The following MARCO variants were observed in gnomAD, a reference collection of about 807,000 sequenced individuals.
MARCO encodes the protein macrophage receptor MARCO.
MARCO carries 72 observed loss-of-function variants against 70.0 expected under a neutral mutation model. That is an observed-to-expected ratio of 1.03 (90% CI 0.85 to 1.25). MARCO has a LOEUF of 1.25. Ranked by LOEUF, MARCO falls within the 50% of genes most tolerant of loss-of-function variation. The pLI is 0.00. For synonymous variants in MARCO, 273 were observed against 243.1 expected (o/e 1.12, Z -1.14); for missense variants, 696 against 659.3 (o/e 1.06, Z -0.61).
intron 1 of MARCO, among the ~76,000 whole-genome samples, chr2:118,943,845 T>C (rs990348631): frequency 2.0e-5 from 3 of 152,018 alleles, no homozygotes; most frequent in Non-Finnish European, 4.4e-5. Flanking sequence ...CTGAGGTCAG[T>C]GGGGAAGCAG....
intron 1 of MARCO, among the ~76,000 whole-genome samples, chr2:118,959,359 A>G (rs910826734): frequency 6.6e-6 from 1 of 152,116 alleles, no homozygotes; most frequent in African/African-American, 2.4e-5. Flanking sequence ...AGATGTACAA[A>G]TGGCCAAGTG....
intron 1 of MARCO, among the ~76,000 whole-genome samples, chr2:118,960,848 A>T (rs546939887): frequency 1.3e-5 from 2 of 152,140 alleles, no homozygotes; most frequent in African/African-American, 4.8e-5. Context: ...CCTAGATATT[A>T]AGCTCAGAAT....
intron 12 of MARCO, among the ~76,000 whole-genome samples, chr2:118,986,600 A>AGAAAGAAAGAAG (rs1479268852): frequency 4.2e-4 from 6 of 14,420 alleles, no homozygotes; most frequent in Admixed American, 8.4e-4. Flanking sequence ...AAAGAAAGAA[A>AGAAAGAAAGAAG]GAAAGAAAGA....
chr2:118,993,442 G>T (rs1680662138), intron 16 of MARCO, 142 bp downstream of exon 16: 5 of 764,248 alleles, frequency 6.5e-6, no homozygotes, highest in Non-Finnish European at 8.5e-6. Context: ...GCTCTGCAGT[G>T]CAGGGCTCCA....
In MARCO at chr2:118,978,140, G is replaced by A. The variant is rs72962523; in HGVS notation, c.766+205G>A. ...GAGAGGGAGAACAATGTCATTCCAG[G>A]CATGACTATGGCAAGCTGGGGCACA... is the stretch of plus-strand genomic sequence containing the variant. On this transcript the variant is annotated intron_variant, in intron 8 of 16. Transcript: ENST00000327097. Among the ~76,000 whole-genome samples the A allele has an allele frequency of 5.1e-3, 772 of 152,278 alleles. 6 individuals carry two copies. The highest frequency in any genetic ancestry group is 0.018 in the African/African-American group (740 of 41,540).
chr2:118,965,267 C>T (rs1169499787), intron 1 of MARCO, among the ~76,000 whole-genome samples: 1 of 152,136 alleles, frequency 6.6e-6, no homozygotes, highest in East Asian at 1.9e-4. Context: ...TTCTGTTTTT[C>T]AGACGTGTAA....
intron 1 of MARCO, among the ~76,000 whole-genome samples, chr2:118,943,539 G>T (rs1679542517): frequency 6.6e-6 from 1 of 152,196 alleles, no homozygotes; most frequent in Admixed American, 6.5e-5. Context: ...AGGGTAAGCT[G>T]CCCATGAACT....
chr2:118,960,415 T>C (rs1679920444), intron 1 of MARCO, among the ~76,000 whole-genome samples: 1 of 152,144 alleles, frequency 6.6e-6, no homozygotes, highest in Non-Finnish European at 1.5e-5. Context: ...ATGCAGTTTT[T>C]TAAGTTGAGG....
intron 6 of MARCO, 101 bp from the exon 7 acceptor site, chr2:118,977,370 G>T: frequency 2.1e-6 from 2 of 940,604 alleles, no homozygotes; most frequent in South Asian, 2.7e-5. Context: ...TCTCCTTCTG[G>T]GAACCTTGCT....
chr2:118,965,405 C>CT (rs1240671037), intron 1 of MARCO, among the ~76,000 whole-genome samples: 1 of 151,926 alleles, frequency 6.6e-6, no homozygotes, highest in Non-Finnish European at 1.5e-5. Context: ...CCATTTGGTT[C>CT]TTTTTTTATA....
chr2:118,990,494 A>T (rs1680599468), intron 12 of MARCO, 95 bp from the exon 13 acceptor site: 1 of 1,204,860 alleles, frequency 8.3e-7, no homozygotes, highest in Admixed American at 1.8e-5. Flanking sequence ...CATCTGCATT[A>T]ATCAGACAAA....
chr2:118,976,478 A>G (rs1424816120), intron 6 of MARCO, among the ~76,000 whole-genome samples: 1 of 151,360 alleles, frequency 6.6e-6, no homozygotes, highest in African/African-American at 2.4e-5. Flanking sequence ...GGATCCCTCA[A>G]TTTCCCCTCA....
chr2:118,986,486 C>G (rs1014629731), intron 12 of MARCO, among the ~76,000 whole-genome samples: 9 of 147,736 alleles, frequency 6.1e-5, no homozygotes, highest in Non-Finnish European at 8.9e-5. Context: ...CACCACTGCA[C>G]TCCAGCCTGA....
chr2:118,973,705 C>T (rs117918777), intron 4 of MARCO, among the ~76,000 whole-genome samples: 1,859 of 152,224 alleles, frequency 0.012, 90 homozygotes, highest in South Asian at 0.12. Context: ...GGCAGCCTGC[C>T]GGTGGAACTG....
rs1407281282 is a variant in MARCO, at chr2:118,991,820, A to G, written c.1152A>G (p.Ala384=). 1.2e-6 allele frequency: 2 copies of G among 1,600,534 alleles called. No individual in the cohort carries two copies. The highest frequency in any genetic ancestry group is 1.7e-5 in the Admixed American group (1 of 57,752). The change falls in exon 14 of 17, where the codon GCA becomes GCG. Residue 384 remains alanine, a synonymous_variant. Coordinates refer to ENST00000327097, the MANE Select transcript of MARCO (RefSeq NM_006770.4). The part of the protein sequence containing the change: ...VKGEQGSPGL[A]GPKGAPGQAG... ...GAGAACAGGGGAGCCCAGGGCTGGC[A>G]GGTCCCAAGGGAGCCCCTGGACAAG...
chr2:118,986,811 A>C (rs1680527567), intron 12 of MARCO, among the ~76,000 whole-genome samples: 1 of 152,104 alleles, frequency 6.6e-6, no homozygotes, highest in Non-Finnish European at 1.5e-5. Context: ...AGGGAAAGAA[A>C]GAAAGTTTTC....
At chr2:118,966,200 C>T (rs1162773206) in intron 1 of MARCO, among the ~76,000 whole-genome samples, 1 of 152,128 alleles carries the variant, frequency 6.6e-6, no homozygotes, top group Admixed American at 6.5e-5. Context: ...ATTTTTATTT[C>T]CCTCCTGAGC....
intron 15 of MARCO, 60 bp downstream of exon 15, chr2:118,992,536 T>C (rs763023135): frequency 7.9e-6 from 11 of 1,400,166 alleles, no homozygotes; most frequent in African/African-American, 1.4e-5. Flanking sequence ...CACCTGAAAA[T>C]TGTGTGTGTT....
At chr2:118,972,571 G>T (rs1015522112) in intron 4 of MARCO, among the ~76,000 whole-genome samples, 1 of 152,152 alleles carries the variant, frequency 6.6e-6, no homozygotes. Flanking sequence ...GACTTCCTAG[G>T]ATTGGTGTCA....
Sources: allele counts gnomAD v4.1 joint callset (sites outside exome capture counted in the v4.1 genomes callset), GRCh38; gene constraint gnomAD v4.1.1; transcripts MANE v1.5; gene names NCBI Gene and HGNC (gene_info 2026-07-23, HGNC 2026-07-21).